Variants in MBD5 observed in about 807,000 individuals in gnomAD.
MBD5 encodes the protein methyl-CpG-binding domain protein 5.
MBD5 carries 13 observed loss-of-function variants against 117.3 expected under a neutral mutation model. That is an observed-to-expected ratio of 0.11 (90% CI 0.07 to 0.18). The LOEUF (loss-of-function observed/expected upper bound fraction) is 0.18. Ranked by LOEUF, MBD5 falls within the 10% of genes least tolerant of loss-of-function variation. The pLI is 1.00. For synonymous variants in MBD5, 727 were observed against 766.4 expected (o/e 0.95, Z 0.85); for missense variants, 1,879 against 2,093.8 (o/e 0.90, Z 2.00).
chr2:148,310,740 G>T (rs1702009137), intron 3 of MBD5, among the ~76,000 whole-genome samples: 1 of 151,566 alleles, frequency 6.6e-6, no homozygotes. Context: ...GTGATGTTAG[G>T]GTGTCAATTT....
chr2:148,269,812 T>C (rs1700942470), intron 3 of MBD5, among the ~76,000 whole-genome samples: 1 of 151,860 alleles, frequency 6.6e-6, no homozygotes, highest in South Asian at 2.1e-4. Flanking sequence ...ATATTCTCAT[T>C]CTGGGATTCC....
intron 2 of MBD5, among the ~76,000 whole-genome samples, chr2:148,180,298 T>G (rs192188282): frequency 6.9e-6 from 1 of 145,338 alleles, no homozygotes; most frequent in East Asian, 2.0e-4. Flanking sequence ...TGGTTCCTTC[T>G]TCTCCACAGT....
At chr2:148,156,930 A>G (rs1697890208) in intron 1 of MBD5, among the ~76,000 whole-genome samples, 1 of 152,196 alleles carries the variant, frequency 6.6e-6, no homozygotes, top group East Asian at 1.9e-4. Context: ...CTCCTCTTCC[A>G]TAGCTAGCAC....
chr2:148,459,708 G>A (rs1217962757), intron 5 of MBD5, among the ~76,000 whole-genome samples: 2 of 152,148 alleles, frequency 1.3e-5, no homozygotes, highest in Non-Finnish European at 2.9e-5. Flanking sequence ...AGCTTCAACA[G>A]AATTTGCCAG....
chr2:148,126,209 A>C (rs1696886645), intron 1 of MBD5, among the ~76,000 whole-genome samples: 1 of 150,956 alleles, frequency 6.6e-6, no homozygotes, highest in South Asian at 2.1e-4. Context: ...CGGCCTGGCC[A>C]ATGTGGTGAA....
intron 1 of MBD5, among the ~76,000 whole-genome samples, chr2:148,051,617 G>GTGTGTT (rs1344116950): frequency 1.4e-5 from 1 of 70,034 alleles, no homozygotes; most frequent in Non-Finnish European, 4.0e-5. Context: ...GTGTGTGTGT[G>GTGTGTT]TGTGTGTGTG....
chr2:148,072,521 A>G (rs568605299), intron 1 of MBD5, among the ~76,000 whole-genome samples: 1 of 152,010 alleles, frequency 6.6e-6, no homozygotes, highest in Non-Finnish European at 1.5e-5. Flanking sequence ...TAAGCTTAGA[A>G]TTTTTTTTCT....
In MBD5 at chr2:148,291,922, G is replaced by A. The variant is rs151196529; in HGVS notation, c.-679-50292G>A. 3.3e-5 allele frequency among the ~76,000 whole-genome samples: 5 copies of A among 152,270 alleles called. No individual in the cohort carries two copies. In the East Asian group the frequency reaches 9.6e-4, roughly 29 times the overall value. ...CTAGAAACAAATCCATACACATACA[G>A]TGAACTCATTTTTGACAAAAGTGCC... On this transcript the variant is annotated intron_variant, in intron 3 of 13. Transcript: ENST00000642680.
chr2:148,123,479 G>A (rs1018758185), intron 1 of MBD5, among the ~76,000 whole-genome samples: 21 of 152,158 alleles, frequency 1.4e-4, no homozygotes, highest in African/African-American at 4.8e-4. Context: ...TATAGTCAGA[G>A]GTGATTCTGA....
intron 3 of MBD5, among the ~76,000 whole-genome samples, chr2:148,265,398 A>C (rs1444034076): frequency 1.3e-5 from 2 of 152,158 alleles, no homozygotes; most frequent in Admixed American, 6.5e-5. Context: ...TAAAATTCAC[A>C]ATGTATTCTA....
At chr2:148,031,856 A>C (rs1694048838) in intron 1 of MBD5, among the ~76,000 whole-genome samples, 1 of 152,142 alleles carries the variant, frequency 6.6e-6, no homozygotes, top group Non-Finnish European at 1.5e-5. Context: ...CCCTAGGATC[A>C]ATAGTAAATA....
intron 4 of MBD5, among the ~76,000 whole-genome samples, chr2:148,363,801 G>T (rs995195255): frequency 6.6e-6 from 1 of 152,132 alleles, no homozygotes; most frequent in African/African-American, 2.4e-5. Context: ...AGAGAAAAAA[G>T]AATGAAAAGG....
At chr2:148,238,449 G>A (rs1700138527) in intron 3 of MBD5, among the ~76,000 whole-genome samples, 1 of 152,078 alleles carries the variant, frequency 6.6e-6, no homozygotes, top group Non-Finnish European at 1.5e-5. Flanking sequence ...ATCTTCTTGG[G>A]ATTAAATCTC....
chr2:148,359,782 G>A (rs1010520104), intron 4 of MBD5, among the ~76,000 whole-genome samples: 1 of 152,100 alleles, frequency 6.6e-6, no homozygotes, highest in Non-Finnish European at 1.5e-5. Context: ...TGTTGTGCTG[G>A]CATATGTGAC....
chr2:148,275,940 T>A (rs1339803215), intron 3 of MBD5, among the ~76,000 whole-genome samples: 2 of 152,172 alleles, frequency 1.3e-5, no homozygotes, highest in Non-Finnish European at 2.9e-5. Context: ...TTTCATAGTT[T>A]CAAAGTTTTC....
chr2:148,286,889 GT>G (rs1301819108), intron 3 of MBD5, among the ~76,000 whole-genome samples: 1 of 152,136 alleles, frequency 6.6e-6, no homozygotes, highest in Non-Finnish European at 1.5e-5. Context: ...TTAAATGCAA[GT>G]TATAATTTTA....
At chr2:148,157,678 T>C (rs1240389468) in intron 1 of MBD5, among the ~76,000 whole-genome samples, 1 of 152,226 alleles carries the variant, frequency 6.6e-6, no homozygotes, top group Non-Finnish European at 1.5e-5. Context: ...GGTAAAGCCT[T>C]GCCAGTAATC....
chr2:148,352,113 C>T (rs1179691977), intron 4 of MBD5, among the ~76,000 whole-genome samples: 2 of 151,934 alleles, frequency 1.3e-5, no homozygotes, highest in Non-Finnish European at 2.9e-5. Context: ...AGTTTTCTTG[C>T]TCTTCCAAAG....
chr2:148,426,180 T>A (rs1210835324), intron 4 of MBD5, among the ~76,000 whole-genome samples: 1 of 152,246 alleles, frequency 6.6e-6, no homozygotes, highest in Non-Finnish European at 1.5e-5. Flanking sequence ...GAACATTCCG[T>A]GCTCATGGGT....
Sources: gnomAD v4.1 joint callset for allele counts (sites outside exome capture counted in the v4.1 genomes callset) on GRCh38, gnomAD v4.1.1 for gene constraint, MANE v1.5 for transcripts, NCBI Gene and HGNC (gene_info 2026-07-23, HGNC 2026-07-21) for gene names.